Variants in DNAH17 observed in about 807,000 individuals in gnomAD.
DNAH17 encodes the protein axonemal beta dynein heavy chain 17.
Under a neutral mutation model 485.6 loss-of-function variants are expected in DNAH17, and 376 were observed. The observed-to-expected ratio is 0.77, with a 90% CI of 0.71 to 0.84. DNAH17 has a LOEUF of 0.84. Among genes scored for constraint, DNAH17 ranks in the 40% least tolerant of loss-of-function variants. The pLI is 0.00. For synonymous variants in DNAH17, 3,031 were observed against 2,405.9 expected (o/e 1.26, Z -7.60); for missense variants, 6,370 against 5,839.3 (o/e 1.09, Z -2.96).
intron 75 of DNAH17, among the ~76,000 whole-genome samples, chr17:78,429,683 C>T (rs1325939640): frequency 6.6e-6 from 1 of 152,192 alleles, no homozygotes; most frequent in African/African-American, 2.4e-5. Context: ...TCTGCCTCTC[C>T]CACTCTGTGT....
rs369369094 is a variant in DNAH17, at chr17:78,544,005, G to A, written c.2392-8C>T. On this transcript the variant is annotated splice_region_variant and splice_polypyrimidine_tract_variant and intron_variant, in intron 16 of 80. Transcript: ENST00000389840. Reference sequence around the variant, plus strand: ...CGGGTTGGCCGACCAGTCCTGGAAGGAAAGCACAGGAGTGAGAAAAGGTGT... The same window carrying A: ...CGGGTTGGCCGACCAGTCCTGGAAGAAAAGCACAGGAGTGAGAAAAGGTGT... 1.8e-5 allele frequency: 29 copies of A among 1,613,834 alleles called. No homozygotes were observed. The highest frequency in any genetic ancestry group is 1.0e-4 in the Admixed American group (6 of 60,004).
chr17:78,498,766 C>T (rs764069057), intron 37 of DNAH17: 1 of 356,284 alleles, frequency 2.8e-6, no homozygotes, highest in Non-Finnish European at 5.0e-6. Context: ...TATTCTCCCA[C>T]CTGTATTTTG....
chr17:78,562,793 G>A (rs2092185146), intron 11 of DNAH17, among the ~76,000 whole-genome samples: 1 of 152,238 alleles, frequency 6.6e-6, no homozygotes, highest in African/African-American at 2.4e-5. Context: ...GCTGAGGCAA[G>A]AAAACCACCA....
At chr17:78,530,847 C>T (rs2091215589) in intron 20 of DNAH17, among the ~76,000 whole-genome samples, 1 of 152,276 alleles carries the variant, frequency 6.6e-6, no homozygotes, top group African/African-American at 2.4e-5. Flanking sequence ...CCTAGCTCAT[C>T]CTTCTACCTG....
At chr17:78,523,713 C>T (rs1328004920) in intron 25 of DNAH17, among the ~76,000 whole-genome samples, 1 of 152,184 alleles carries the variant, frequency 6.6e-6, no homozygotes, top group Non-Finnish European at 1.5e-5. Flanking sequence ...CAAGACCAGC[C>T]TGGGCAACAC....
intron 11 of DNAH17, among the ~76,000 whole-genome samples, chr17:78,566,282 C>T (rs1019742681): frequency 2.6e-5 from 4 of 152,190 alleles, no homozygotes; most frequent in Admixed American, 6.6e-5. Context: ...CCAACTTTAC[C>T]TCTTTAACTT....
rs147396192 is a variant in DNAH17 at position 78,425,483 on chromosome 17, A to G, written c.13004T>C (p.Ile4335Thr). 61 of 1,613,792 alleles carry G rather than the reference A, an allele frequency of 3.8e-5. No individual in the cohort carries two copies. In the Admixed American group the frequency reaches 5.2e-4, roughly 14 times the overall value. ...GTTCTTCCTGGCCATGGACTGCATG[A>G]TGGCCGTGAGGAACGACTGGGGGTT... The part of the protein sequence containing the change: ...FFNPQSFLTA[I>T]MQSMARKNEW... Residue 4335 changes from isoleucine (I) to threonine (T), a missense_variant, in exon 80 of 81, where the codon ATC becomes ACC. Coordinates refer to ENST00000389840, the MANE Select transcript of DNAH17 (RefSeq NM_173628.4).
chr17:78,501,717 GC>G, intron 34 of DNAH17, 24 bp downstream of exon 34: 1 of 1,608,578 alleles, frequency 6.2e-7, no homozygotes, highest in Non-Finnish European at 8.5e-7. Flanking sequence ...CCTTCCCCTG[GC>G]CCCTGGGACA....
intron 14 of DNAH17, among the ~76,000 whole-genome samples, chr17:78,553,322 G>A (rs2091951541): frequency 5.9e-5 from 3 of 50,864 alleles, no homozygotes; most frequent in Non-Finnish European, 7.2e-5. Flanking sequence ...TTTTTTTTAA[G>A]ATGGAGTCTC....
chr17:78,460,156 C>G lies in DNAH17; in HGVS notation c.9435+6G>C. ...AGGGGTCCCCTTTCTTTCCCTCCCC[C>G]TTTACCTTATTCAGAGTGTCCAGAG... On this transcript the variant is annotated splice_donor_region_variant and intron_variant, in intron 59 of 80. Transcript: ENST00000389840. 2.5e-6 allele frequency: 4 copies of G among 1,602,124 alleles called. No homozygotes were observed. The highest frequency in any genetic ancestry group is 3.4e-6 in the Non-Finnish European group (4 of 1,173,406).
chr17:78,486,539 C>T (rs374154287), intron 44 of DNAH17, 33 bp from the exon 45 acceptor site: 140 of 1,572,348 alleles, frequency 8.9e-5, no homozygotes, highest in Middle Eastern at 1.9e-4. Flanking sequence ...ATGACACAGC[C>T]GCTGCTCTGG....
At chr17:78,480,643 A>C in intron 49 of DNAH17, 41 bp downstream of exon 49, 1 of 1,552,364 alleles carries the variant, frequency 6.4e-7, no homozygotes, top group Non-Finnish European at 8.8e-7. Flanking sequence ...CAAGCCTCAG[A>C]CTCATGGCAG....
In DNAH17 at chr17:78,485,850, A is replaced by G; in HGVS notation, c.7276-93T>C. On this transcript the variant is annotated intron_variant, in intron 46 of 80. Coordinates refer to ENST00000389840, the MANE Select transcript of DNAH17 (RefSeq NM_173628.4). The stretch of plus-strand genomic sequence containing the variant: ...GGCCATGTTCTACCGAACAGGTCCT[A>G]ATGTTGAAAATCGGTTGTGTTTGGA... The G allele has an allele frequency of 4.5e-6, 7 of 1,569,284 alleles. No individual in the cohort carries two copies. In the Admixed American group the frequency reaches 5.2e-5, roughly 12 times the overall value.
intron 6 of DNAH17, among the ~76,000 whole-genome samples, chr17:78,570,687 A>T (rs2092339568): frequency 6.6e-6 from 1 of 151,724 alleles, no homozygotes; most frequent in African/African-American, 2.4e-5. Context: ...ATGAAACCCC[A>T]TCTCTACTAA....
intron 11 of DNAH17, among the ~76,000 whole-genome samples, chr17:78,563,916 C>G (rs1377860348): frequency 6.6e-6 from 1 of 152,012 alleles, no homozygotes; most frequent in Non-Finnish European, 1.5e-5. Context: ...CCCTGCCTCC[C>G]TCCCCTCCGC....
chr17:78,529,479 T>C lies in DNAH17; in HGVS notation c.3500A>G (p.Lys1167Arg). Residue 1167 changes from lysine to arginine, a missense_variant, in exon 22 of 81, where the codon AAG (lysine) becomes AGG (arginine). Physicochemically the swap from Lys to Arg is conservative, Grantham distance 26. Transcript: ENST00000389840. ...CACCCACCCACCACGTACCTGCAGC[T>C]TCAAGTGGATCTCCTCTGGCATCTC... Reference protein sequence around the residue: ...GEEMPEEIHLKLQELPEHWAN... With the variant: ...GEEMPEEIHLRLQELPEHWAN... 6.2e-7 allele frequency: 1 copy of C among 1,613,868 alleles called. No homozygotes were observed. Among genetic ancestry groups the C allele is most frequent in the Non-Finnish European group, 8.5e-7 (1 of 1,179,850 alleles).
chr17:78,530,934 C>T (rs902924209), intron 20 of DNAH17, among the ~76,000 whole-genome samples: 2 of 152,208 alleles, frequency 1.3e-5, no homozygotes, highest in African/African-American at 4.8e-5. Context: ...CCCTTGCCCA[C>T]GGGGCCCTCT....
At chr17:78,556,258 A>G (rs1416485984) in intron 14 of DNAH17, among the ~76,000 whole-genome samples, 3 of 151,960 alleles carry the variant, frequency 2.0e-5, no homozygotes, top group African/African-American at 7.3e-5. Flanking sequence ...TGTCTATCCC[A>G]TTGGTTCTGT....
At chr17:78,551,887 C>T (rs1172114907) in intron 15 of DNAH17, among the ~76,000 whole-genome samples, 3 of 151,346 alleles carry the variant, frequency 2.0e-5, no homozygotes, top group South Asian at 2.1e-4. Flanking sequence ...AGCTTGAACC[C>T]GGGAGGCAGA....
Sources: allele counts gnomAD v4.1 joint callset (sites outside exome capture counted in the v4.1 genomes callset), GRCh38; gene constraint gnomAD v4.1.1; transcripts MANE v1.5; gene names NCBI Gene and HGNC (gene_info 2026-07-23, HGNC 2026-07-21).